SLCO1C1: variants seen among roughly 807,000 people sequenced by gnomAD.
The protein encoded by SLCO1C1 is OAT-RP-5.
SLCO1C1 carries 70 observed loss-of-function variants against 76.4 expected under a neutral mutation model. The observed-to-expected ratio is 0.92, with a 90% CI of 0.76 to 1.12. The LOEUF (loss-of-function observed/expected upper bound fraction) is 1.12, where lower values mean the gene tolerates loss of function less well. Among genes scored for constraint, SLCO1C1 ranks in the 50% most tolerant of loss-of-function variants. The pLI is 0.00. For missense variants in SLCO1C1, 912 were observed against 823.8 expected (o/e 1.11, Z -1.31); for synonymous variants, 306 against 286.1 (o/e 1.07, Z -0.70).
chr12:20,728,162 CT>C (rs1409365296), intron 9 of SLCO1C1, among the ~76,000 whole-genome samples: 3 of 152,074 alleles, frequency 2.0e-5, no homozygotes, highest in African/African-American at 7.2e-5. Flanking sequence ...ACCCATAAGT[CT>C]TTAATCCATG....
intron 13 of SLCO1C1, among the ~76,000 whole-genome samples, chr12:20,748,139 G>C (rs1017323826): frequency 2.0e-5 from 3 of 152,046 alleles, no homozygotes; most frequent in Non-Finnish European, 4.4e-5. Flanking sequence ...TACACATGTA[G>C]GTTTGAATTA....
intron 5 of SLCO1C1, among the ~76,000 whole-genome samples, chr12:20,714,066 C>T (rs979807554): frequency 6.6e-6 from 1 of 152,196 alleles, no homozygotes; most frequent in African/African-American, 2.4e-5. Flanking sequence ...TTAAACTTTT[C>T]TAGAAGAGGC....
At chr12:20,721,267 GA>G (rs940906566) in intron 7 of SLCO1C1, among the ~76,000 whole-genome samples, 14 of 152,272 alleles carry the variant, frequency 9.2e-5, no homozygotes, top group African/African-American at 3.4e-4. Flanking sequence ...AAACTTTCAT[GA>G]AGGAAAGAGC....
intron 3 of SLCO1C1, among the ~76,000 whole-genome samples, chr12:20,703,148 T>G (rs1359674107): frequency 6.6e-6 from 1 of 152,004 alleles, no homozygotes; most frequent in Non-Finnish European, 1.5e-5. Flanking sequence ...TTGCCCTAAT[T>G]ATTTGAGTTA....
intron 4 of SLCO1C1, among the ~76,000 whole-genome samples, chr12:20,707,960 T>C (rs1010837610): frequency 2.0e-5 from 3 of 152,204 alleles, no homozygotes; most frequent in Non-Finnish European, 4.4e-5. Context: ...TATTATTTAA[T>C]ATATTTGCCA....
At chr12:20,698,232 T>A (rs1732550913) in intron 1 of SLCO1C1, among the ~76,000 whole-genome samples, 1 of 151,906 alleles carries the variant, frequency 6.6e-6, no homozygotes, top group Non-Finnish European at 1.5e-5. Context: ...ATTAGCTCTT[T>A]GTTTTGCTTA....
rs1425495634 is a variant in SLCO1C1, at chr12:20,701,383, C to A, written c.195C>A (p.Ser65Arg). 6.4e-7 allele frequency: 1 copy of A among 1,554,686 alleles called. No individual in the cohort carries two copies. The highest frequency in any genetic ancestry group is 8.8e-7 in the Non-Finnish European group (1 of 1,137,526). ...AKALAEGYLKSTITQIERRFD... is the reference protein window; with the variant it reads ...AKALAEGYLKRTITQIERRFD... ...CATTGGCAGAAGGCTATCTGAAGAG[C>A]ACCATCACTCAGATAGAGAGAAGGT... The change falls in exon 3 of 15, where the codon AGC becomes AGA. Residue 65 changes from serine (S) to arginine (R), a missense_variant. Transcript: ENST00000266509.
Position 20,737,151 on chromosome 12 carries a change from G to T in SLCO1C1, c.1427G>T (p.Cys476Phe). The T allele has an allele frequency of 6.4e-7, 1 of 1,556,402 alleles. No homozygotes were observed. Among genetic ancestry groups the T allele is most frequent in the Non-Finnish European group, 8.6e-7 (1 of 1,158,616 alleles). ...SYHERALFSD[C>F]NSRCKCSETK... ...CATGAACGAGCTCTCTTTTCAGATTGCAACTCAAGATGCAAATGTTCAGAG... is the reference window on the plus strand; with the variant it reads ...CATGAACGAGCTCTCTTTTCAGATTTCAACTCAAGATGCAAATGTTCAGAG... The change falls in exon 11 of 15, where the codon TGC (cysteine) becomes TTC (phenylalanine). Residue 476 changes from cysteine (C) to phenylalanine (F), a missense_variant. Transcript: ENST00000266509.
At chr12:20,717,767 T>C (rs372200260) in intron 7 of SLCO1C1, among the ~76,000 whole-genome samples, 2 of 149,106 alleles carry the variant, frequency 1.3e-5, no homozygotes, top group African/African-American at 4.9e-5. Flanking sequence ...TTCTGGGACG[T>C]TGCTTGTGTA....
At chr12:20,742,457 CCAAT>C (rs1472507132) in intron 12 of SLCO1C1, among the ~76,000 whole-genome samples, 2 of 152,002 alleles carry the variant, frequency 1.3e-5, no homozygotes, top group Non-Finnish European at 2.9e-5. Flanking sequence ...ATTTCATAGG[CCAAT>C]CAGTTTAAGC....
At chr12:20,740,612 A>G (rs531682443) in intron 12 of SLCO1C1, among the ~76,000 whole-genome samples, 1 of 151,670 alleles carries the variant, frequency 6.6e-6, no homozygotes, top group African/African-American at 2.4e-5. Context: ...GTTAGTTTCT[A>G]CATCACTAGA....
At chr12:20,711,067 T>TA (rs200000939) in intron 4 of SLCO1C1, among the ~76,000 whole-genome samples, 2,155 of 152,066 alleles carry the variant, frequency 0.014, 43 homozygotes, top group African/African-American at 0.042. Context: ...GTTGATGAGC[T>TA]AAAAAAAATT....
chr12:20,737,317 T>A (rs757003292), intron 11 of SLCO1C1, 45 bp downstream of exon 11: 1 of 1,520,186 alleles, frequency 6.6e-7, no homozygotes, highest in Non-Finnish European at 8.7e-7. Flanking sequence ...CCTGTTACAA[T>A]ATAAACAACA....
At chr12:20,711,633 A>G (rs1947107372) in intron 5 of SLCO1C1, 123 bp downstream of exon 5, 6 of 947,886 alleles carry the variant, frequency 6.3e-6, no homozygotes, top group Admixed American at 5.9e-5. Flanking sequence ...AAATTGAGAT[A>G]TCACAGTACC....
At chr12:20,719,385 G>A (rs987598812) in intron 7 of SLCO1C1, among the ~76,000 whole-genome samples, 1 of 152,106 alleles carries the variant, frequency 6.6e-6, no homozygotes, top group African/African-American at 2.4e-5. Context: ...GTGAAAGGAA[G>A]AGTTGCACAT....
At position 20,699,574 on chromosome 12, in the gene SLCO1C1, A is replaced by C. The variant is rs1946421847; in HGVS notation, c.-3A>C. ...CAGATCAGAGTCAAGGAATGTGTTTATAATGGACACTTCATCCAAAGAAAA... is the reference window on the plus strand; with the variant it reads ...CAGATCAGAGTCAAGGAATGTGTTTCTAATGGACACTTCATCCAAAGAAAA... On this transcript the variant is annotated 5_prime_UTR_variant, in exon 2 of 15. Transcript: ENST00000266509. 2 of 1,609,268 alleles carry C rather than the reference A, an allele frequency of 1.2e-6. No homozygotes were observed. The highest frequency in any genetic ancestry group is 1.3e-5 in the African/African-American group (1 of 74,558).
At chr12:20,717,272 CTG>C (rs775476789) in intron 7 of SLCO1C1, 42 bp downstream of exon 7, 15 of 1,485,154 alleles carry the variant, frequency 1.0e-5, no homozygotes, top group Admixed American at 2.2e-5. Flanking sequence ...ATTTTAGTCA[CTG>C]TAACATTTTT....
chr12:20,747,769 C>G (rs769701273), intron 13 of SLCO1C1, among the ~76,000 whole-genome samples: 4 of 152,016 alleles, frequency 2.6e-5, no homozygotes, highest in Non-Finnish European at 5.9e-5. Context: ...GGGTTTCAAG[C>G]AAAATAGAGG....
intron 4 of SLCO1C1, among the ~76,000 whole-genome samples, chr12:20,710,796 T>C (rs1037218363): frequency 1.3e-5 from 2 of 152,194 alleles, no homozygotes; most frequent in Non-Finnish European, 2.9e-5. Context: ...GGCAATACAT[T>C]GTTCAATTAT....
Sources: allele counts gnomAD v4.1 joint callset (sites outside exome capture counted in the v4.1 genomes callset), GRCh38; gene constraint gnomAD v4.1.1; transcripts MANE v1.5; gene names NCBI Gene and HGNC (gene_info 2026-07-23, HGNC 2026-07-21).